The following SYT13 variants were observed in gnomAD, a reference collection of about 807,000 sequenced individuals.
SYT13 encodes the protein synaptotagmin 13, also known as synaptotagmin-13.
In SYT13, 21 loss-of-function variants were observed where a neutral mutation model predicts 38.6. The observed-to-expected ratio is 0.54, with a 90% confidence interval of 0.39 to 0.78. SYT13 has a LOEUF of 0.78. Ranked by LOEUF, SYT13 falls within the 30% of genes least tolerant of loss-of-function variation. The pLI, the probability that SYT13 is intolerant of heterozygous loss-of-function variation, is 0.00. For missense variants in SYT13, 495 were observed against 548.7 expected (o/e 0.90, Z 0.98); for synonymous variants, 241 against 237.6 (o/e 1.01, Z -0.13).
intron 1 of SYT13, among the ~76,000 whole-genome samples, chr11:45,260,749 A>G (rs894046753): frequency 1.1e-4 from 16 of 152,198 alleles, no homozygotes; most frequent in Non-Finnish European, 2.9e-5. Flanking sequence ...TCACACCCTC[A>G]GATGTGCATC....
At chr11:45,249,999 G>A (rs1033604829) in intron 4 of SYT13, among the ~76,000 whole-genome samples, 2 of 152,174 alleles carry the variant, frequency 1.3e-5, no homozygotes, top group South Asian at 2.1e-4. Context: ...ACTGGGCACC[G>A]TGGGCAAGTC....
chr11:45,250,629 A>G (rs1340619389), intron 4 of SYT13, among the ~76,000 whole-genome samples: 3 of 152,242 alleles, frequency 2.0e-5, no homozygotes, highest in Non-Finnish European at 4.4e-5. Context: ...GTGATTCCAC[A>G]GAAGTCCCAA....
chr11:45,276,033 T>C (rs1855006438), intron 1 of SYT13, among the ~76,000 whole-genome samples: 1 of 152,178 alleles, frequency 6.6e-6, no homozygotes, highest in South Asian at 2.1e-4. Flanking sequence ...AGTTGCTCAA[T>C]ACAGACAGCA....
At chr11:45,256,243 C>T (rs929137241) in intron 1 of SYT13, among the ~76,000 whole-genome samples, 7 of 152,182 alleles carry the variant, frequency 4.6e-5, no homozygotes, top group Non-Finnish European at 1.0e-4. Context: ...CTTCCTCCCT[C>T]CTCTTCTCCA....
intron 1 of SYT13, among the ~76,000 whole-genome samples, chr11:45,284,355 T>C (rs1310429240): frequency 3.3e-5 from 5 of 152,130 alleles, no homozygotes; most frequent in Non-Finnish European, 7.4e-5. Flanking sequence ...AGTTTCCTCA[T>C]CTTTAAGTTA....
At chr11:45,263,505 C>G (rs931412018) in intron 1 of SYT13, among the ~76,000 whole-genome samples, 1 of 152,128 alleles carries the variant, frequency 6.6e-6, no homozygotes, top group African/African-American at 2.4e-5. Context: ...AAGAGGTCAT[C>G]TTTGCTCCTT....
At position 45,252,606 on chromosome 11, in the gene SYT13, A is replaced by T. The variant is rs749961830; in HGVS notation, c.661T>A (p.Trp221Arg). The T allele has an allele frequency of 6.2e-7, 1 of 1,614,132 alleles. No homozygotes were observed. The highest frequency in any genetic ancestry group is 1.1e-5 in the South Asian group (1 of 91,074). The change falls in exon 4 of 6, where the codon TGG becomes AGG. Residue 221 changes from tryptophan (W) to arginine (R), a missense_variant. Coordinates refer to ENST00000020926, the MANE Select transcript of SYT13 (RefSeq NM_020826.3). This position sits in a 1 kb window ranked among gnomAD's most constrained non-coding sequence, Gnocchi z 4.3. ...ALKKRQLHTTWEEGLVLPLAE... is the reference protein window; with the variant it reads ...ALKKRQLHTTREEGLVLPLAE... ...AGGGGGAGCACCAGGCCCTCCTCCC[A>T]GGTGGTGTGCAGCTGCCGCTTCTTT... is the stretch of plus-strand genomic sequence containing the variant.
intron 1 of SYT13, among the ~76,000 whole-genome samples, chr11:45,260,241 G>A (rs1938735349): frequency 1.3e-5 from 2 of 152,368 alleles, no homozygotes; most frequent in Middle Eastern, 3.4e-3. Context: ...CCCAGGCCAA[G>A]AGCAGAGTCT....
chr11:45,251,782 A>G (rs562585156), intron 4 of SYT13, among the ~76,000 whole-genome samples: 1 of 152,138 alleles, frequency 6.6e-6, no homozygotes, highest in Non-Finnish European at 1.5e-5. Flanking sequence ...GCCCCCCAAC[A>G]GCAGATATGG....
At chr11:45,271,965 C>A (rs1854954929) in intron 1 of SYT13, among the ~76,000 whole-genome samples, 1 of 152,190 alleles carries the variant, frequency 6.6e-6, no homozygotes, top group Non-Finnish European at 1.5e-5. Context: ...GAATGGTAGA[C>A]TGAATAAAGA....
In SYT13 at chr11:45,241,349, T is replaced by C. The variant is rs1042495808; in HGVS notation, c.*2703A>G. Reference sequence around the variant, plus strand: ...CCAGGCACTTAGAATACAGTGAACATAACAGACAACTCTCCTTCAAAATGT... The same window carrying C: ...CCAGGCACTTAGAATACAGTGAACACAACAGACAACTCTCCTTCAAAATGT... On this transcript the variant is annotated 3_prime_UTR_variant, in exon 6 of 6. Coordinates refer to ENST00000020926, the MANE Select transcript of SYT13 (RefSeq NM_020826.3). 2 of 152,304 alleles carry C rather than the reference T, an allele frequency of 1.3e-5. No homozygotes were observed. The highest frequency in any genetic ancestry group is 2.1e-4 in the South Asian group (1 of 4,822). 9.4% of individuals were successfully genotyped at this position (152,304 alleles called of 1,614,324 possible). A position where few individuals can be genotyped will look rare whatever the true frequency, so the allele number is the denominator to read the frequency against.
chr11:45,269,833 G>T (rs1469064408), intron 1 of SYT13, among the ~76,000 whole-genome samples: 1 of 152,174 alleles, frequency 6.6e-6, no homozygotes, highest in East Asian at 1.9e-4. Context: ...TTGAATCATT[G>T]TTTTTGCTTT....
At position 45,283,723 on chromosome 11, in the gene SYT13, C is replaced by A. The variant is rs751042386; in HGVS notation, c.183+2302G>T. ...CATGTATCAACAAATATTTATTGTG[C>A]CCCTATTGAGCTTGCACATGGTTAC... On this transcript the variant is annotated intron_variant, in intron 1 of 5. Transcript: ENST00000020926. Among the ~76,000 whole-genome samples the A allele has an allele frequency of 7.2e-5, 11 of 152,320 alleles. No homozygotes were observed. In the East Asian group the frequency reaches 1.5e-3, roughly 21 times the overall value.
At chr11:45,279,983 T>C (rs554125846) in intron 1 of SYT13, among the ~76,000 whole-genome samples, 1 of 152,198 alleles carries the variant, frequency 6.6e-6, no homozygotes, top group Non-Finnish European at 1.5e-5. Flanking sequence ...GGGTTTCCCA[T>C]GGCACCCTGT....
intron 2 of SYT13, 52 bp from the exon 3 acceptor site, chr11:45,254,456 C>A (rs1467265198): frequency 6.3e-7 from 1 of 1,579,430 alleles, no homozygotes; most frequent in Non-Finnish European, 8.6e-7. Context: ...GTTCTGCTTT[C>A]CTGATTACAC....
chr11:45,283,232 A>C (rs1381923589), intron 1 of SYT13, among the ~76,000 whole-genome samples: 1 of 152,260 alleles, frequency 6.6e-6, no homozygotes, highest in Non-Finnish European at 1.5e-5. Context: ...ATTCAGGGTC[A>C]GAAATCAGAT....
rs868559206 is a variant in SYT13 at position 45,252,585 on chromosome 11, G to A, written c.682C>T (p.Pro228Ser). 2.5e-6 allele frequency: 4 copies of A among 1,614,036 alleles called. No homozygotes were observed. Among genetic ancestry groups the A allele is most frequent in the Non-Finnish European group, 3.4e-6 (4 of 1,180,036 alleles). ...GTGGGGAGCTCCTCCTCCGCCAGGG[G>A]GAGCACCAGGCCCTCCTCCCAGGTG... ...HTTWEEGLVL[P>S]LAEEELPTAT... The change falls in exon 4 of 6, where the codon CCC becomes TCC. Residue 228 changes from proline to serine, a missense_variant. Pro to Ser is a moderately conservative substitution (Grantham distance 74). Transcript: ENST00000020926. This position sits in a 1 kb window ranked among gnomAD's most constrained non-coding sequence, Gnocchi z 4.3.
At chr11:45,275,621 C>T (rs1427926539) in intron 1 of SYT13, among the ~76,000 whole-genome samples, 2 of 152,178 alleles carry the variant, frequency 1.3e-5, no homozygotes, top group Non-Finnish European at 2.9e-5. Flanking sequence ...TAACATAAGG[C>T]AATTACAGCA....
Position 45,252,362 on chromosome 11 carries a change from T to C in SYT13, c.846+59A>G. 6.7e-7 allele frequency: 1 copy of C among 1,497,642 alleles called. No homozygotes were observed. 92.8% of individuals were successfully genotyped at this position (1,497,642 alleles called of 1,614,324 possible). A position where few individuals can be genotyped will look rare whatever the true frequency, so the allele number is the denominator to read the frequency against. On this transcript the variant is annotated intron_variant, in intron 4 of 5. Transcript: ENST00000020926. This position sits in a 1 kb window ranked among gnomAD's most constrained non-coding sequence, Gnocchi z 4.3. ...ACTGAGTTGCTGGGAGGACACCAGG[T>C]TCTGCCATCCCATGCTGCACGGGCA... is the stretch of plus-strand genomic sequence containing the variant.
Sources: allele counts gnomAD v4.1 joint callset (sites outside exome capture counted in the v4.1 genomes callset), GRCh38; gene constraint gnomAD v4.1.1; non-coding constraint Gnocchi (gnomAD v3.1); transcripts MANE v1.5; gene names NCBI Gene and HGNC (gene_info 2026-07-23, HGNC 2026-07-21).